The following KCNIP4 variants were observed in gnomAD, a reference collection of about 807,000 sequenced individuals.
KCNIP4 encodes Kv channel-interacting protein 4.
Under a neutral mutation model 34.0 loss-of-function variants are expected in KCNIP4, and 12 were observed. That is an observed-to-expected ratio of 0.35 (90% CI 0.23 to 0.57). KCNIP4 has a LOEUF of 0.57. Among genes scored for constraint, KCNIP4 ranks in the 20% least tolerant of loss-of-function variants. The pLI, the probability that KCNIP4 is intolerant of heterozygous loss-of-function variation, is 0.83. For missense variants in KCNIP4, 238 were observed against 311.7 expected, an observed-to-expected ratio of 0.76 and a Z score of 1.78; for synonymous variants, 124 against 102.2, an observed-to-expected ratio of 1.21 and a Z score of -1.29.
At chr4:21,158,341 CG>C (rs1753307926) in intron 1 of KCNIP4, among the ~76,000 whole-genome samples, 1 of 151,462 alleles carries the variant, frequency 6.6e-6, no homozygotes, top group Non-Finnish European at 1.5e-5. Context: ...CAGGGAAAGG[CG>C]TTACAAATAA....
intron 3 of KCNIP4, among the ~76,000 whole-genome samples, chr4:20,810,349 C>T (rs141373612): frequency 9.3e-4 from 141 of 151,246 alleles, no homozygotes; most frequent in Admixed American, 5.0e-3. Context: ...TCTATGACCT[C>T]AGGTCAGAGA....
At chr4:20,864,032 A>C (rs549461921) in intron 2 of KCNIP4, among the ~76,000 whole-genome samples, 7 of 104,106 alleles carry the variant, frequency 6.7e-5, no homozygotes, top group African/African-American at 3.3e-4. Flanking sequence ...ATACATACAT[A>C]TGTATGTATA....
At chr4:21,664,099 C>T (rs979237288) in intron 1 of KCNIP4, among the ~76,000 whole-genome samples, 3 of 152,066 alleles carry the variant, frequency 2.0e-5, no homozygotes, top group African/African-American at 7.2e-5. Flanking sequence ...GTGTGCACCA[C>T]CACAACTGGC....
At chr4:21,244,618 A>C (rs1489011120) in intron 1 of KCNIP4, among the ~76,000 whole-genome samples, 2 of 152,244 alleles carry the variant, frequency 1.3e-5, no homozygotes, top group Non-Finnish European at 2.9e-5. Flanking sequence ...ACAAGCTGAG[A>C]CATAGAATAT....
intron 1 of KCNIP4, among the ~76,000 whole-genome samples, chr4:21,717,665 T>C (rs566661829): frequency 6.6e-6 from 1 of 152,264 alleles, no homozygotes; most frequent in Non-Finnish European, 1.5e-5. Flanking sequence ...GCTTCTTATT[T>C]TTCTTTACTG....
intron 1 of KCNIP4, among the ~76,000 whole-genome samples, chr4:21,687,627 A>G (rs1464342099): frequency 6.6e-6 from 1 of 152,194 alleles, no homozygotes. Flanking sequence ...AGAAAACTAC[A>G]ATGCCTCCCA....
intron 1 of KCNIP4, among the ~76,000 whole-genome samples, chr4:21,184,530 C>T (rs147555526): frequency 5.3e-5 from 8 of 152,120 alleles, no homozygotes; most frequent in Non-Finnish European, 7.4e-5. Flanking sequence ...GTAATGAAGA[C>T]GAGAGATGGG....
chr4:21,811,633 G>C (rs889040587), intron 1 of KCNIP4, among the ~76,000 whole-genome samples: 2 of 152,172 alleles, frequency 1.3e-5, no homozygotes, highest in Admixed American at 1.3e-4. Context: ...AGAAAGAAGA[G>C]ATAAAACAGC....
At chr4:21,409,892 C>A (rs547860176) in intron 1 of KCNIP4, among the ~76,000 whole-genome samples, 1 of 151,864 alleles carries the variant, frequency 6.6e-6, no homozygotes, top group East Asian at 1.9e-4. Flanking sequence ...CAGACCAAAG[C>A]GAAGAGGAAG....
chr4:21,334,948 T>C (rs1716028498), intron 1 of KCNIP4, among the ~76,000 whole-genome samples: 1 of 152,126 alleles, frequency 6.6e-6, no homozygotes, highest in African/African-American at 2.4e-5. Flanking sequence ...CTTCGACAAA[T>C]CATGCTAGTA....
At chr4:21,291,911 G>A (rs868753208) in intron 1 of KCNIP4, among the ~76,000 whole-genome samples, 5 of 57,702 alleles carry the variant, frequency 8.7e-5, no homozygotes, top group African/African-American at 2.8e-4. Flanking sequence ...AAGAAAGAAA[G>A]AAAGAAAGAA....
chr4:21,831,420 A>G (rs1265552749), intron 1 of KCNIP4, among the ~76,000 whole-genome samples: 2 of 151,972 alleles, frequency 1.3e-5, no homozygotes, highest in African/African-American at 4.8e-5. Flanking sequence ...GTTAACAAAG[A>G]AAAAAAGAAA....
At chr4:21,128,764 A>G (rs1027005520) in intron 1 of KCNIP4, among the ~76,000 whole-genome samples, 1 of 152,176 alleles carries the variant, frequency 6.6e-6, no homozygotes, top group Non-Finnish European at 1.5e-5. Context: ...GAGCACTATG[A>G]TTATGTGCTA....
rs549522779 is a variant in KCNIP4, at chr4:21,241,023, A to AAT, written c.62-358316_62-358315dup. Among the ~76,000 whole-genome samples the AAT allele has an allele frequency of 1.6e-3, 239 of 152,308 alleles. 1 individual carries two copies. The highest frequency in any genetic ancestry group is 5.4e-3 in the African/African-American group (225 of 41,578). ...AAATAAGGAACTAGTTAGATAAATT[A>AAT]ATATATATCCTTATTTTGAGTGCTT... is the stretch of plus-strand genomic sequence containing the variant. On this transcript the variant is annotated intron_variant, in intron 1 of 8. Transcript: ENST00000382152.
rs1269191684 is a variant in KCNIP4 at position 20,999,444 on chromosome 4, T to G, written c.62-116735A>C. On this transcript the variant is annotated intron_variant, in intron 1 of 8. Transcript: ENST00000382152. ...TTTTTTTTGTTTGTTTTTTGTTTTTTTTTTTTTTTTTTATCTTGAGAGCAT... is the reference window on the plus strand; with the variant it reads ...TTTTTTTTGTTTGTTTTTTGTTTTTGTTTTTTTTTTTTATCTTGAGAGCAT... 1.1e-3 allele frequency among the ~76,000 whole-genome samples: 129 copies of G among 115,584 alleles called. 2 individuals are homozygous for G. The highest frequency in any genetic ancestry group is 2.0e-3 in the Non-Finnish European group (113 of 57,236). The allele number at this position is 115,584 out of a possible 152,430, so 75.8% of individuals were successfully genotyped here.
chr4:21,800,669 T>A (rs1388959713), intron 1 of KCNIP4, among the ~76,000 whole-genome samples: 2 of 152,118 alleles, frequency 1.3e-5, no homozygotes, highest in East Asian at 3.9e-4. Flanking sequence ...CATGATGATC[T>A]AAAAAGAAAG....
chr4:21,135,552 G>A (rs2109188959), intron 1 of KCNIP4, among the ~76,000 whole-genome samples: 2 of 152,280 alleles, frequency 1.3e-5, no homozygotes, highest in Middle Eastern at 3.4e-3. Context: ...AAGTCCTACT[G>A]AGGATTATTA....
intron 1 of KCNIP4, chr4:21,843,570 A>T (rs1331479961): frequency 6.6e-6 from 1 of 152,014 alleles, no homozygotes; most frequent in Admixed American, 6.6e-5. Flanking sequence ...GAAGAAAGCA[A>T]AATCCTATCT....
At chr4:21,119,393 G>A (rs928642063) in intron 1 of KCNIP4, among the ~76,000 whole-genome samples, 1 of 147,708 alleles carries the variant, frequency 6.8e-6, no homozygotes, top group Non-Finnish European at 1.5e-5. Flanking sequence ...GGTGGATGCT[G>A]TATTCACTCA....
Sources: gnomAD v4.1 joint callset for allele counts (sites outside exome capture counted in the v4.1 genomes callset) on GRCh38, gnomAD v4.1.1 for gene constraint, MANE v1.5 for transcripts, NCBI Gene and HGNC (gene_info 2026-07-23, HGNC 2026-07-21) for gene names.